ZBTB10: variants seen among roughly 807,000 people sequenced by gnomAD.
ZBTB10 encodes zinc finger and BTB domain-containing protein 10.
A neutral mutation model predicts 76.4 loss-of-function variants in ZBTB10; 32 were observed. The ratio of observed to expected loss-of-function variants is 0.42; its 90% CI spans 0.32 to 0.56. ZBTB10 has a LOEUF of 0.56. Among genes scored for constraint, ZBTB10 ranks in the 20% least tolerant of loss-of-function variants. ZBTB10 has a pLI of 0.14. For synonymous variants in ZBTB10, 523 were observed against 432.9 expected (o/e 1.21, Z -2.58); for missense variants, 1,057 against 1,098.5 (o/e 0.96, Z 0.53).
intron 2 of ZBTB10, among the ~76,000 whole-genome samples, chr8:80,502,760 C>G (rs1189170650): frequency 1.3e-5 from 2 of 151,884 alleles, no homozygotes; most frequent in Non-Finnish European, 2.9e-5. Context: ...AGACTTTCAC[C>G]TTTGTTGGTC....
Position 80,522,506 on chromosome 8 carries a change from A to G in ZBTB10, c.*2978A>G, listed in dbSNP as rs1816470084. ...ATATGGACCCCTGTTCATTTTTCTT[A>G]TTTACTAGATATTTTGCTAAATTTA... On this transcript the variant is annotated 3_prime_UTR_variant, in exon 6 of 6. Coordinates refer to ENST00000455036, the MANE Select transcript of ZBTB10 (RefSeq NM_001105539.3). 6.6e-6 allele frequency: 1 copy of G among 151,832 alleles called. No homozygotes were observed. Among genetic ancestry groups the G allele is most frequent in the Non-Finnish European group, 1.5e-5 (1 of 67,834 alleles). The allele number at this position is 151,832 out of a possible 1,614,324, so 9.4% of individuals were successfully genotyped here. A position where few individuals can be genotyped will look rare whatever the true frequency, so the allele number is the denominator to read the frequency against.
At chr8:80,495,396 C>A (rs1285381477) in intron 1 of ZBTB10, among the ~76,000 whole-genome samples, 1 of 150,656 alleles carries the variant, frequency 6.6e-6, no homozygotes, top group Non-Finnish European at 1.5e-5. Context: ...TTTTAAAATG[C>A]TGGGTTTTTG....
chr8:80,491,423 A>G (rs1228726356), intron 1 of ZBTB10, among the ~76,000 whole-genome samples: 1 of 152,172 alleles, frequency 6.6e-6, no homozygotes, highest in Admixed American at 6.5e-5. Context: ...CCCTCTCGTT[A>G]AGTGATGCAT....
intron 1 of ZBTB10, among the ~76,000 whole-genome samples, chr8:80,498,476 A>G (rs1453088845): frequency 6.6e-6 from 1 of 152,216 alleles, no homozygotes. Flanking sequence ...TGGGAAAGAG[A>G]TGATTACTTC....
At chr8:80,515,611 G>T (rs747156078) in intron 3 of ZBTB10, among the ~76,000 whole-genome samples, 1 of 152,000 alleles carries the variant, frequency 6.6e-6, no homozygotes, top group East Asian at 1.9e-4. Context: ...TCCAAGAATG[G>T]GTTTAATTAG....
rs1739178176 is a variant in ZBTB10, at chr8:80,521,007, C to T, written c.*1479C>T. The T allele has an allele frequency of 6.6e-6, 1 of 151,828 alleles. No homozygotes were observed. The highest frequency in any genetic ancestry group is 2.1e-4 in the South Asian group (1 of 4,826). The allele number at this position is 151,828 out of a possible 1,614,324, so 9.4% of individuals were successfully genotyped here. A position where few individuals can be genotyped will look rare whatever the true frequency, so the allele number is the denominator to read the frequency against. ...TTGAGTATATTTTCCTATTTTATAT[C>T]AGGTAACTAAATTATGCTAGTTATG... is the stretch of plus-strand genomic sequence containing the variant. On this transcript the variant is annotated 3_prime_UTR_variant, in exon 6 of 6. Coordinates refer to ENST00000455036, the MANE Select transcript of ZBTB10 (RefSeq NM_001105539.3).
chr8:80,517,897 G>A (rs1382448591), intron 3 of ZBTB10, among the ~76,000 whole-genome samples: 5 of 10,226 alleles, frequency 4.9e-4, no homozygotes, highest in East Asian at 2.2e-3. Flanking sequence ...TTTTTTTTTT[G>A]AGACATGATC....
chr8:80,508,420 C>T (rs1294893545), intron 2 of ZBTB10, among the ~76,000 whole-genome samples: 1 of 152,066 alleles, frequency 6.6e-6, no homozygotes, highest in African/African-American at 2.4e-5. Context: ...AATTTGGAAA[C>T]GTTTTTATTT....
At position 80,493,207 on chromosome 8, in the gene ZBTB10, G is replaced by GCGCACA. The variant is rs375071529; in HGVS notation, c.972+5426_972+5427insGCACAC. On this transcript the variant is annotated intron_variant, in intron 1 of 5. Transcript: ENST00000455036. ...TGTGCCTCAAAACGCGCGCGCGCGC[G>GCGCACA]CACACACACACACACACACACACAC... is the stretch of plus-strand genomic sequence containing the variant. 3.9e-3 allele frequency among the ~76,000 whole-genome samples: 483 copies of GCGCACA among 125,280 alleles called. 3 individuals are homozygous for GCGCACA. Among genetic ancestry groups the GCGCACA allele is most frequent in the South Asian group, 0.013 (45 of 3,488 alleles). The allele number at this position is 125,280 out of a possible 152,430, so 82.2% of individuals were successfully genotyped here. A position where few individuals can be genotyped will look rare whatever the true frequency, so the allele number is the denominator to read the frequency against.
rs759032703 is a variant in ZBTB10, at chr8:80,499,769, T to C, written c.1248T>C (p.Gly416=). Residue 416 remains glycine (G), a synonymous_variant, in exon 2 of 6, where the codon GGT becomes GGC. Coordinates refer to ENST00000455036, the MANE Select transcript of ZBTB10 (RefSeq NM_001105539.3). ...TTHLDIAAVQ[G]FSVILDFLYS... is the part of the protein sequence containing the mutation. ...ACTTAGATATTGCTGCAGTTCAAGG[T>C]TTTTCAGTCATCTTGGACTTCTTGT... is the stretch of plus-strand genomic sequence containing the variant. The C allele has an allele frequency of 1.2e-5, 19 of 1,613,816 alleles. No individual in the cohort carries two copies. The highest frequency in any genetic ancestry group is 1.7e-6 in the Non-Finnish European group (2 of 1,179,880).
chr8:80,489,997 A>G (rs1346709159), intron 1 of ZBTB10, among the ~76,000 whole-genome samples: 1 of 152,220 alleles, frequency 6.6e-6, no homozygotes, highest in Non-Finnish European at 1.5e-5. Context: ...CATGAGTAAC[A>G]TGAGTAACAG....
intron 1 of ZBTB10, among the ~76,000 whole-genome samples, chr8:80,491,002 G>A (rs556195871): frequency 2.7e-4 from 41 of 152,240 alleles, no homozygotes; most frequent in Middle Eastern, 3.4e-3. Context: ...TCAGGAGTTC[G>A]AGACCAGCCT....
Position 80,487,229 on chromosome 8 carries a change from G to C in ZBTB10, c.419G>C (p.Arg140Pro). 1 of 1,547,296 alleles carries C rather than the reference G, an allele frequency of 6.5e-7. No homozygotes were observed. Among genetic ancestry groups the C allele is most frequent in the Non-Finnish European group, 8.7e-7 (1 of 1,148,516 alleles). ...GGTCTCGGCAACAATGGCAGTAGCC[G>C]CGGCCGCCCCGAGACCTCGGTGTGG... ...GGGLGNNGSS[R>P]GRPETSVWPL... The change falls in exon 1 of 6, where the codon CGC (arginine) becomes CCC (proline). Residue 140 changes from arginine to proline, a missense_variant. By Grantham distance (103) the Arg-to-Pro change is moderately radical. This residue lies in a region of ZBTB10 where 556 missense variants were observed against 451.7 expected (regional missense o/e 1.23). Coordinates refer to ENST00000455036, the MANE Select transcript of ZBTB10 (RefSeq NM_001105539.3).
chr8:80,496,522 A>G (rs1815787818), intron 1 of ZBTB10, among the ~76,000 whole-genome samples: 1 of 152,180 alleles, frequency 6.6e-6, no homozygotes, highest in Non-Finnish European at 1.5e-5. Flanking sequence ...TGAGAAAAAA[A>G]AATAGTGGTT....
At chr8:80,489,044 C>T (rs1815557705) in intron 1 of ZBTB10, among the ~76,000 whole-genome samples, 1 of 140,814 alleles carries the variant, frequency 7.1e-6, no homozygotes, top group South Asian at 2.4e-4. Flanking sequence ...GTTGCCTAAG[C>T]CCTAGAAGGA....
Position 80,486,243 on chromosome 8 carries a change from C to A in ZBTB10, c.-568C>A. ...CGTTGTTCATTTGCCATTCGACCTC[C>A]GCCAGGGCCTGGTCGGACGGAAACG... is the stretch of plus-strand genomic sequence containing the variant. On this transcript the variant is annotated 5_prime_UTR_variant, in exon 1 of 6. Coordinates refer to ENST00000455036, the MANE Select transcript of ZBTB10 (RefSeq NM_001105539.3). 1 of 1,030,764 alleles carries A rather than the reference C, an allele frequency of 9.7e-7. No homozygotes were observed. The highest frequency in any genetic ancestry group is 1.2e-6 in the Non-Finnish European group (1 of 860,518). 63.9% of individuals were successfully genotyped at this position (1,030,764 alleles called of 1,614,324 possible). A position where few individuals can be genotyped will look rare whatever the true frequency, so the allele number is the denominator to read the frequency against.
intron 2 of ZBTB10, among the ~76,000 whole-genome samples, chr8:80,509,204 G>A (rs1287703437): frequency 6.6e-6 from 1 of 152,024 alleles, no homozygotes; most frequent in African/African-American, 2.4e-5. Flanking sequence ...ACCTGTTTAT[G>A]GGGGGGAAAA....
chr8:80,515,081 A>G (rs893181895), intron 3 of ZBTB10, among the ~76,000 whole-genome samples: 8 of 152,222 alleles, frequency 5.3e-5, no homozygotes, highest in African/African-American at 1.7e-4. Flanking sequence ...CCAACTGGAA[A>G]TTAGAATATG....
chr8:80,491,647 A>G (rs183800190), intron 1 of ZBTB10, among the ~76,000 whole-genome samples: 1 of 152,300 alleles, frequency 6.6e-6, no homozygotes, highest in Non-Finnish European at 1.5e-5. Context: ...TGTGAGGGAC[A>G]ATTAATAGTT....
Sources: allele counts gnomAD v4.1 joint callset (sites outside exome capture counted in the v4.1 genomes callset), GRCh38; gene constraint gnomAD v4.1.1; regional missense constraint gnomAD v4.1.1; transcripts MANE v1.5; gene names NCBI Gene and HGNC (gene_info 2026-07-23, HGNC 2026-07-21).